The following GRXCR1 variants were observed in gnomAD, a reference collection of about 807,000 sequenced individuals.
GRXCR1 encodes glutaredoxin domain-containing cysteine-rich protein 1.
A neutral mutation model predicts 27.3 loss-of-function variants in GRXCR1; 27 were observed. The ratio of observed to expected loss-of-function variants is 0.99; its 90% CI spans 0.73 to 1.37. The LOEUF is 1.37. Among genes scored for constraint, GRXCR1 ranks in the 40% most tolerant of loss-of-function variants. GRXCR1 has a pLI of 0.00. For synonymous variants in GRXCR1, 122 were observed against 131.1 expected (o/e 0.93, Z 0.47); for missense variants, 379 against 354.4 (o/e 1.07, Z -0.56).
intron 2 of GRXCR1, among the ~76,000 whole-genome samples, chr4:43,003,191 C>T (rs1174122806): frequency 1.3e-5 from 2 of 152,150 alleles, no homozygotes; most frequent in African/African-American, 4.8e-5. Flanking sequence ...ATTACCCAGT[C>T]TCAAGTAGTT....
chr4:43,012,458 T>C (rs777202552), intron 2 of GRXCR1, among the ~76,000 whole-genome samples: 2 of 152,222 alleles, frequency 1.3e-5, no homozygotes, highest in Non-Finnish European at 2.9e-5. Context: ...AATGTAAGAC[T>C]TTTGTCAAAC....
At chr4:43,013,012 CA>C (rs200723923) in intron 2 of GRXCR1, among the ~76,000 whole-genome samples, 11 of 151,398 alleles carry the variant, frequency 7.3e-5, no homozygotes, top group African/African-American at 1.9e-4. Flanking sequence ...CTGTTATAAG[CA>C]AAAAAAATAA....
chr4:42,972,895 C>A (rs1313532217), intron 2 of GRXCR1, among the ~76,000 whole-genome samples: 3 of 152,040 alleles, frequency 2.0e-5, no homozygotes, highest in Non-Finnish European at 4.4e-5. Flanking sequence ...TACTTCACCA[C>A]TTGAAATGAT....
chr4:42,921,563 T>C (rs1461746652), intron 1 of GRXCR1, among the ~76,000 whole-genome samples: 5 of 152,098 alleles, frequency 3.3e-5, no homozygotes, highest in Non-Finnish European at 1.5e-5. Flanking sequence ...TATGTATATA[T>C]AGATATACCT....
intron 2 of GRXCR1, among the ~76,000 whole-genome samples, chr4:43,008,579 A>T (rs1256549474): frequency 6.6e-6 from 1 of 152,226 alleles, no homozygotes; most frequent in East Asian, 1.9e-4. Flanking sequence ...AATACTAGTA[A>T]AAGTAATTTA....
chr4:42,993,356 T>C (rs1001007223), intron 2 of GRXCR1, among the ~76,000 whole-genome samples: 7 of 152,054 alleles, frequency 4.6e-5, no homozygotes, highest in Admixed American at 3.9e-4. Flanking sequence ...TGGTAAAATA[T>C]AATGAAGAAC....
At chr4:43,018,073 C>G (rs1712981255) in intron 2 of GRXCR1, among the ~76,000 whole-genome samples, 2 of 152,200 alleles carry the variant, frequency 1.3e-5, no homozygotes, top group African/African-American at 4.8e-5. Flanking sequence ...AGAAGGCGAT[C>G]ATTTGATTTC....
chr4:43,006,002 C>T (rs1454638064), intron 2 of GRXCR1, among the ~76,000 whole-genome samples: 1 of 152,160 alleles, frequency 6.6e-6, no homozygotes, highest in Non-Finnish European at 1.5e-5. Flanking sequence ...ATTTCATGGA[C>T]ATTTATTAGT....
intron 2 of GRXCR1, among the ~76,000 whole-genome samples, chr4:42,996,165 C>T (rs1712149126): frequency 6.6e-6 from 1 of 152,052 alleles, no homozygotes; most frequent in Non-Finnish European, 1.5e-5. Context: ...TTATTAGAAG[C>T]AAAATTATTA....
chr4:42,993,245 G>A (rs535522468), intron 2 of GRXCR1, among the ~76,000 whole-genome samples: 2 of 152,154 alleles, frequency 1.3e-5, no homozygotes, highest in African/African-American at 4.8e-5. Flanking sequence ...TATAACATCT[G>A]AAAAACATTC....
intron 1 of GRXCR1, among the ~76,000 whole-genome samples, chr4:42,928,726 AAAGGC>A (rs917451742): frequency 1.1e-4 from 16 of 152,108 alleles, no homozygotes; most frequent in African/African-American, 3.1e-4. Context: ...TTTCCATGGG[AAAGGC>A]AAGGCAAGGC....
chr4:42,932,590 ATATATATAT>A (rs1747342240), intron 1 of GRXCR1, among the ~76,000 whole-genome samples: 1 of 42,162 alleles, frequency 2.4e-5, no homozygotes, highest in Admixed American at 2.9e-4. Flanking sequence ...ATATATATAT[ATATATATAT>A]ATATATATAT....
Position 42,955,193 on chromosome 4 carries a change from C to T in GRXCR1, c.385-7699C>T, listed in dbSNP as rs372111702. On this transcript the variant is annotated intron_variant, in intron 1 of 3. Transcript: ENST00000399770. ...TACTGACGTGCTGTATTGCTTTGAGCTAATCACTTTGCCTCTTTGCCTTTA... is the reference window on the plus strand; with the variant it reads ...TACTGACGTGCTGTATTGCTTTGAGTTAATCACTTTGCCTCTTTGCCTTTA... 3.3e-5 allele frequency among the ~76,000 whole-genome samples: 5 copies of T among 152,196 alleles called. No homozygotes were observed. The South Asian group carries it at 6.2e-4, about 19-fold the overall frequency.
intron 2 of GRXCR1, among the ~76,000 whole-genome samples, chr4:42,964,475 C>G (rs1363003223): frequency 6.6e-6 from 1 of 151,974 alleles, no homozygotes; most frequent in Admixed American, 6.6e-5. Context: ...ATCCCATAGG[C>G]TGATTGTGAG....
chr4:42,960,038 G>T (rs1437735273), intron 1 of GRXCR1, among the ~76,000 whole-genome samples: 1 of 151,926 alleles, frequency 6.6e-6, no homozygotes, highest in Non-Finnish European at 1.5e-5. Context: ...CTACCCGATA[G>T]GGGTCATCTT....
At chr4:42,947,874 T>C (rs111843064) in intron 1 of GRXCR1, among the ~76,000 whole-genome samples, 2 of 152,212 alleles carry the variant, frequency 1.3e-5, no homozygotes, top group African/African-American at 4.8e-5. Flanking sequence ...CCAAATGGTA[T>C]AGTACATGTA....
rs1376699392 is a variant in GRXCR1 at position 42,932,604 on chromosome 4, A to AC, written c.385-30288_385-30287insC. On this transcript the variant is annotated intron_variant, in intron 1 of 3. Coordinates refer to ENST00000399770, the MANE Select transcript of GRXCR1 (RefSeq NM_001080476.3). ...TATATATATATATATATATATATAT[A>AC]TATATATATATATATAGAGAGAGAG... Among the ~76,000 whole-genome samples, 72 of 58,468 alleles carry AC rather than the reference A, an allele frequency of 1.2e-3. 2 individuals carry two copies. Among genetic ancestry groups the AC allele is most frequent in the Non-Finnish European group, 1.9e-3 (59 of 31,042 alleles). The allele number at this position is 58,468 out of a possible 152,430, so 38.4% of individuals were successfully genotyped here.
rs533648248 is a variant in GRXCR1, at chr4:42,938,648, T to C, written c.385-24244T>C. Reference sequence around the variant, plus strand: ...ATTTCATAGTTTGAGGTCTTATATTTGTCTTTAATTCATTTTTATTTTATT... The same window carrying C: ...ATTTCATAGTTTGAGGTCTTATATTCGTCTTTAATTCATTTTTATTTTATT... On this transcript the variant is annotated intron_variant, in intron 1 of 3. Transcript: ENST00000399770. Among the ~76,000 whole-genome samples the C allele has an allele frequency of 3.3e-5, 5 of 152,138 alleles. No homozygotes were observed. In the East Asian group the frequency reaches 7.7e-4, roughly 24 times the overall value.
intron 2 of GRXCR1, among the ~76,000 whole-genome samples, chr4:43,018,359 C>G (rs184139750): frequency 1.3e-5 from 2 of 152,256 alleles, no homozygotes; most frequent in East Asian, 3.9e-4. Context: ...CTTAAGCACT[C>G]ATTACACCAC....
Sources: gnomAD v4.1 joint callset for allele counts (sites outside exome capture counted in the v4.1 genomes callset) on GRCh38, gnomAD v4.1.1 for gene constraint, MANE v1.5 for transcripts, NCBI Gene and HGNC (gene_info 2026-07-23, HGNC 2026-07-21) for gene names.